The following RPA3 variants were observed in gnomAD, a reference collection of about 807,000 sequenced individuals.
RPA3 encodes replication protein A3, also known as replication protein A 14 kDa subunit.
A neutral mutation model predicts 13.7 loss-of-function variants in RPA3; 24 were observed. The observed-to-expected ratio is 1.75, with a 90% CI of 1.27 to 2.46. RPA3 has a LOEUF of 2.46. RPA3 is among the 30% of genes most tolerant of loss of function. The pLI, the probability that RPA3 is intolerant of heterozygous loss-of-function variation, is 0.00. For synonymous variants in RPA3, 59 were observed against 51.2 expected, an observed-to-expected ratio of 1.15 and a Z score of -0.65; for missense variants, 183 against 151.0, an observed-to-expected ratio of 1.21 and a Z score of -1.11.
chr7:7,691,985 A>T (rs1780183383), intron 2 of RPA3, among the ~76,000 whole-genome samples: 1 of 152,250 alleles, frequency 6.6e-6, no homozygotes, highest in African/African-American at 2.4e-5. Flanking sequence ...TGACAGTTTA[A>T]TGCTAGAAAC....
At chr7:7,656,093 C>T (rs904603557) in intron 4 of RPA3, among the ~76,000 whole-genome samples, 4 of 151,996 alleles carry the variant, frequency 2.6e-5, no homozygotes, top group Non-Finnish European at 4.4e-5. Context: ...CCTCTGCCTC[C>T]CAAAGTACTG....
chr7:7,687,637 A>G (rs990869617), intron 2 of RPA3, among the ~76,000 whole-genome samples: 8 of 152,220 alleles, frequency 5.3e-5, no homozygotes, highest in African/African-American at 1.9e-4. Context: ...AACATTATTA[A>G]AGAGAATTGC....
intron 2 of RPA3, among the ~76,000 whole-genome samples, chr7:7,696,689 G>A (rs893296440): frequency 3.9e-5 from 6 of 152,112 alleles, no homozygotes; most frequent in South Asian, 2.1e-4. Context: ...AAAGCACTCC[G>A]TAAAGATTTT....
At chr7:7,638,365 T>C (rs2115537675) in intron 6 of RPA3, 1 of 153,804 alleles carries the variant, frequency 6.5e-6, no homozygotes, top group African/African-American at 2.4e-5. Context: ...AAAAAAGTTT[T>C]AAGTATGTTA....
chr7:7,663,800 T>C (rs1343268666), intron 4 of RPA3, among the ~76,000 whole-genome samples: 1 of 152,216 alleles, frequency 6.6e-6, no homozygotes, highest in Non-Finnish European at 1.5e-5. Flanking sequence ...GAAGCATTTT[T>C]ATGGATAGGA....
At chr7:7,656,493 T>A (rs1785346627) in intron 4 of RPA3, among the ~76,000 whole-genome samples, 1 of 152,124 alleles carries the variant, frequency 6.6e-6, no homozygotes, top group African/African-American at 2.4e-5. Flanking sequence ...CAGGCCCCAG[T>A]GTGTGATGTT....
At chr7:7,662,209 C>T (rs1396538620) in intron 4 of RPA3, among the ~76,000 whole-genome samples, 2 of 152,106 alleles carry the variant, frequency 1.3e-5, no homozygotes, top group Non-Finnish European at 2.9e-5. Flanking sequence ...GTGCTGGCAG[C>T]GATAATTTCA....
intron 5 of RPA3, among the ~76,000 whole-genome samples, chr7:7,639,658 A>T (rs1041089871): frequency 8.6e-5 from 13 of 151,952 alleles, no homozygotes; most frequent in African/African-American, 2.4e-4. Context: ...ACCACCTACC[A>T]CTCCTACTCA....
At chr7:7,667,328 G>C (rs1779490773) in intron 4 of RPA3, among the ~76,000 whole-genome samples, 2 of 152,202 alleles carry the variant, frequency 1.3e-5, no homozygotes, top group South Asian at 4.1e-4. Flanking sequence ...AGAAGGAAAT[G>C]AGACTGGAGT....
chr7:7,663,455 C>G (rs1490886934), intron 4 of RPA3, among the ~76,000 whole-genome samples: 1 of 152,310 alleles, frequency 6.6e-6, no homozygotes, highest in East Asian at 1.9e-4. Context: ...ATCTGTACCT[C>G]TTCCCCATTA....
At chr7:7,711,447 C>T (rs1201935722) in intron 2 of RPA3, among the ~76,000 whole-genome samples, 4 of 152,122 alleles carry the variant, frequency 2.6e-5, no homozygotes, top group Non-Finnish European at 5.9e-5. Context: ...CTATCCTTTT[C>T]ATATTATACT....
At chr7:7,639,509 A>G (rs1784919118) in intron 5 of RPA3, among the ~76,000 whole-genome samples, 1 of 152,192 alleles carries the variant, frequency 6.6e-6, no homozygotes, top group African/African-American at 2.4e-5. Flanking sequence ...GTTTTAAAAA[A>G]CAGGCATGAT....
intron 4 of RPA3, among the ~76,000 whole-genome samples, chr7:7,660,716 C>G (rs1785453783): frequency 6.6e-6 from 1 of 152,216 alleles, no homozygotes; most frequent in Non-Finnish European, 1.5e-5. Context: ...CAGCCTTTCT[C>G]TCTGGCTGCC....
intron 4 of RPA3, among the ~76,000 whole-genome samples, chr7:7,670,147 T>C (rs1323114054): frequency 2.0e-5 from 3 of 152,362 alleles, no homozygotes; most frequent in East Asian, 3.9e-4. Context: ...TGTTTTCTTA[T>C]ACTACACTTG....
At chr7:7,640,299 C>T in intron 5 of RPA3, 21 bp downstream of exon 5, 2 of 1,613,272 alleles carry the variant, frequency 1.2e-6, no homozygotes, top group South Asian at 1.1e-5. Context: ...CTTGGGAGCC[C>T]ATGATTGCGA....
intron 5 of RPA3, chr7:7,639,845 A>G (rs1265164467): frequency 5.7e-6 from 1 of 174,518 alleles, no homozygotes; most frequent in East Asian, 1.9e-4. Flanking sequence ...TCACTTTAAT[A>G]CTGGGGTTAA....
intron 2 of RPA3, among the ~76,000 whole-genome samples, chr7:7,687,737 A>G (rs891688786): frequency 5.3e-5 from 8 of 152,232 alleles, no homozygotes; most frequent in African/African-American, 1.4e-4. Context: ...TTTTATGACT[A>G]TACATACACA....
intron 4 of RPA3, among the ~76,000 whole-genome samples, chr7:7,661,094 C>G (rs374053547): frequency 6.6e-6 from 1 of 152,026 alleles, no homozygotes; most frequent in African/African-American, 2.4e-5. Context: ...CTTTCTTCCA[C>G]TTGATTGATT....
chr7:7,655,409 TA>T (rs1785317256), intron 4 of RPA3, among the ~76,000 whole-genome samples: 1 of 152,116 alleles, frequency 6.6e-6, no homozygotes. Flanking sequence ...AAAAATAAAA[TA>T]AATTAAATGA....
Sources: allele counts gnomAD v4.1 joint callset (sites outside exome capture counted in the v4.1 genomes callset), GRCh38; gene constraint gnomAD v4.1.1; transcripts MANE v1.5; gene names NCBI Gene and HGNC (gene_info 2026-07-23, HGNC 2026-07-21).